The following SPOCK1 variants were observed in gnomAD, a reference collection of about 807,000 sequenced individuals.
SPOCK1 encodes the protein testican-1.
Under a neutral mutation model 55.3 loss-of-function variants are expected in SPOCK1, and 23 were observed. That is an observed-to-expected ratio of 0.42 (90% CI 0.30 to 0.59). The LOEUF is 0.59. SPOCK1 is among the 20% of genes least tolerant of loss of function. The probability of loss-of-function intolerance (pLI) is 0.22; values close to 1 mark genes in which losing one functional copy is unlikely to be tolerated. For synonymous variants in SPOCK1, 226 were observed against 221.0 expected (o/e 1.02, Z -0.20); for missense variants, 499 against 552.5 (o/e 0.90, Z 0.97).
At chr5:137,074,031 A>AC (rs1305201076) in intron 5 of SPOCK1, among the ~76,000 whole-genome samples, 7 of 36,310 alleles carry the variant, frequency 1.9e-4, no homozygotes, top group Non-Finnish European at 5.7e-4. Context: ...CCTGTGAGGC[A>AC]CTGTATTAAA....
chr5:137,129,451 T>A (rs563048924), intron 4 of SPOCK1, among the ~76,000 whole-genome samples: 1 of 152,340 alleles, frequency 6.6e-6, no homozygotes, highest in African/African-American at 2.4e-5. Context: ...ACAGGAGTTT[T>A]CTTGCTCAAA....
intron 3 of SPOCK1, among the ~76,000 whole-genome samples, chr5:137,189,345 A>G (rs990060116): frequency 5.9e-5 from 9 of 152,242 alleles, no homozygotes; most frequent in Non-Finnish European, 1.5e-5. Context: ...CCCTCTCATT[A>G]GGAGCCAATG....
intron 2 of SPOCK1, among the ~76,000 whole-genome samples, chr5:137,356,396 G>A (rs1053623161): frequency 6.6e-6 from 1 of 152,154 alleles, no homozygotes; most frequent in Non-Finnish European, 1.5e-5. Context: ...TAAAAGGGAA[G>A]TGGGCATTTG....
At chr5:137,139,857 T>C (rs902427250) in intron 4 of SPOCK1, among the ~76,000 whole-genome samples, 1 of 152,216 alleles carries the variant, frequency 6.6e-6, no homozygotes, top group African/African-American at 2.4e-5. Flanking sequence ...CAGGTATTTT[T>C]GCAGGACCAA....
chr5:137,285,588 C>T (rs1373283381), intron 2 of SPOCK1, among the ~76,000 whole-genome samples: 2 of 152,234 alleles, frequency 1.3e-5, no homozygotes, highest in African/African-American at 4.8e-5. Context: ...TCAAGAGCCA[C>T]TCACACCTGT....
intron 2 of SPOCK1, among the ~76,000 whole-genome samples, chr5:137,474,292 AAT>A (rs1160716648): frequency 6.6e-6 from 1 of 152,204 alleles, no homozygotes; most frequent in African/African-American, 2.4e-5. Context: ...TCAGTACGGT[AAT>A]TCCTAGACTC....
intron 6 of SPOCK1, among the ~76,000 whole-genome samples, chr5:137,035,715 C>G (rs538661907): frequency 5.3e-5 from 8 of 152,180 alleles, no homozygotes; most frequent in Non-Finnish European, 1.2e-4. Flanking sequence ...GGGACTGTGC[C>G]TAACCCAAGC....
chr5:137,480,969 T>A (rs1372514229), intron 2 of SPOCK1, among the ~76,000 whole-genome samples: 1 of 152,160 alleles, frequency 6.6e-6, no homozygotes, highest in African/African-American at 2.4e-5. Context: ...TTTTGAGTAT[T>A]CTTTAATATT....
Position 137,368,508 on chromosome 5 carries a change from T to A in SPOCK1, c.187-101453A>T, listed in dbSNP as rs527539760. Among the ~76,000 whole-genome samples the A allele has an allele frequency of 5.9e-5, 9 of 152,252 alleles. No homozygotes were observed. In the East Asian group the frequency reaches 1.5e-3, roughly 26 times the overall value. The stretch of plus-strand genomic sequence containing the variant: ...TGATCCAGGTAGGGAGGAGGGCATA[T>A]GCAAAGGCCCTGTGCAGCCCCAAAT... On this transcript the variant is annotated intron_variant, in intron 2 of 10. Coordinates refer to ENST00000394945, the MANE Select transcript of SPOCK1 (RefSeq NM_004598.4).
At chr5:137,485,072 C>T (rs1754028008) in intron 2 of SPOCK1, among the ~76,000 whole-genome samples, 1 of 152,090 alleles carries the variant, frequency 6.6e-6, no homozygotes, top group Non-Finnish European at 1.5e-5. Context: ...AAGGTGAGTG[C>T]ATTTTGGAGG....
rs535371188 is a variant in SPOCK1 at position 137,394,396 on chromosome 5, G to A, written c.186+103977C>T. ...CTGAAACAGAGAAAGTCCTAAAATT[G>A]TTGTACATTTGAAGAAACTGAGGCA... On this transcript the variant is annotated intron_variant, in intron 2 of 10. Transcript: ENST00000394945. Among the ~76,000 whole-genome samples the A allele has an allele frequency of 9.9e-5, 15 of 152,278 alleles. No homozygotes were observed. The South Asian group carries it at 2.1e-3, about 21-fold the overall frequency.
chr5:137,188,783 G>A lies in SPOCK1; in HGVS notation c.233-48089C>T, dbSNP rs151266888. ...TGGTGAAGAAAGCATGTCGAAAGCC[G>A]AGACAGGCTAAAAGCTAGGCATCTT... On this transcript the variant is annotated intron_variant, in intron 3 of 10. Transcript: ENST00000394945. 6.2e-3 allele frequency among the ~76,000 whole-genome samples: 937 copies of A among 152,356 alleles called. 9 individuals are homozygous for A. The highest frequency in any genetic ancestry group is 0.019 in the African/African-American group (808 of 41,590).
intron 2 of SPOCK1, among the ~76,000 whole-genome samples, chr5:137,454,163 G>C (rs949975230): frequency 5.3e-5 from 8 of 152,138 alleles, no homozygotes; most frequent in Non-Finnish European, 1.0e-4. Context: ...GTCTCTGTTA[G>C]TGTAGCCCAG....
chr5:137,385,484 C>T (rs1450224448), intron 2 of SPOCK1, among the ~76,000 whole-genome samples: 2 of 152,186 alleles, frequency 1.3e-5, no homozygotes, highest in Non-Finnish European at 2.9e-5. Context: ...CAAAGAGTAA[C>T]CAGCAAATAG....
At chr5:137,122,253 A>ACGCG (rs1268904039) in intron 4 of SPOCK1, among the ~76,000 whole-genome samples, 6 of 112,020 alleles carry the variant, frequency 5.4e-5, no homozygotes, top group African/African-American at 2.6e-4. Flanking sequence ...ACACACACAC[A>ACGCG]CACGCACACA....
At chr5:137,156,778 G>C (rs1410882291) in intron 3 of SPOCK1, among the ~76,000 whole-genome samples, 1 of 152,074 alleles carries the variant, frequency 6.6e-6, no homozygotes, top group East Asian at 1.9e-4. Context: ...GTTGAGAGAA[G>C]AACCAGAATT....
chr5:137,075,377 G>A (rs1052362887), intron 5 of SPOCK1, among the ~76,000 whole-genome samples: 13 of 152,150 alleles, frequency 8.5e-5, no homozygotes, highest in African/African-American at 2.9e-4. Context: ...CCGCTAGAGG[G>A]CGGCTCTCGG....
At chr5:137,087,284 G>A (rs969013635) in intron 5 of SPOCK1, among the ~76,000 whole-genome samples, 1 of 152,252 alleles carries the variant, frequency 6.6e-6, no homozygotes, top group Admixed American at 6.5e-5. Flanking sequence ...GCTGACTGCT[G>A]GAGGAATAGG....
chr5:137,180,988 C>A (rs140916089), intron 3 of SPOCK1, among the ~76,000 whole-genome samples: 252 of 152,230 alleles, frequency 1.7e-3, no homozygotes, highest in Non-Finnish European at 2.9e-3. Flanking sequence ...GGCTGGGCAC[C>A]AGGCAGAAAG....
Sources: allele counts gnomAD v4.1 joint callset (sites outside exome capture counted in the v4.1 genomes callset), GRCh38; gene constraint gnomAD v4.1.1; transcripts MANE v1.5; gene names NCBI Gene and HGNC (gene_info 2026-07-23, HGNC 2026-07-21).